The following ZNF534 variants were observed in gnomAD, a reference collection of about 807,000 sequenced individuals.
ZNF534 encodes KRAB domain only 3.
In ZNF534, 19 loss-of-function variants were observed where a neutral mutation model predicts 13.6. That is an observed-to-expected ratio of 1.40 (90% CI 0.97 to 2.05). The LOEUF is 2.05. ZNF534 is among the 30% of genes most tolerant of loss of function. ZNF534 has a pLI of 0.00. For missense variants in ZNF534, 782 were observed against 796.3 expected, an observed-to-expected ratio of 0.98 and a Z score of 0.22; for synonymous variants, 244 against 273.8, an observed-to-expected ratio of 0.89 and a Z score of 1.07.
chr19:52,439,386 C>G lies in ZNF534; in HGVS notation c.1926C>G (p.Val642=), dbSNP rs2059156469. Residue 642 remains valine, a synonymous_variant, in exon 5 of 5, where the codon GTC becomes GTG. Coordinates refer to ENST00000433050, the MANE Select transcript of ZNF534 (RefSeq NM_001143938.3). The part of the protein sequence containing the change: ...KPYSCNECGK[V]FSKNSILVQH... ...ACAGTTGTAATGAATGTGGCAAGGT[C>G]TTTAGTAAAAATTCCATCCTAGTAC... is the stretch of plus-strand genomic sequence containing the variant. 5 of 1,550,738 alleles carry G rather than the reference C, an allele frequency of 3.2e-6. No homozygotes were observed. The highest frequency in any genetic ancestry group is 4.4e-6 in the Non-Finnish European group (5 of 1,146,370).
Position 52,433,940 on chromosome 19 carries a change from T to C in ZNF534, c.16-15T>C. 6.2e-7 allele frequency: 1 copy of C among 1,613,654 alleles called. No homozygotes were observed. Among genetic ancestry groups the C allele is most frequent in the Non-Finnish European group, 8.5e-7 (1 of 1,179,704 alleles). On this transcript the variant is annotated splice_polypyrimidine_tract_variant and intron_variant, in intron 2 of 4. Transcript: ENST00000433050. ...CTCTCCATACCCTGTTTTTGAAATG[T>C]GGATTTCCTTTTAGGGGCAATTGTC...
intron 4 of ZNF534, 102 bp downstream of exon 4, chr19:52,435,311 A>C: frequency 1.2e-3 from 1,510 of 1,299,508 alleles, no homozygotes; most frequent in Non-Finnish European, 1.4e-3. Context: ...ATCATAGCTC[A>C]CAGCAGCCTT....
At chr19:52,429,444 G>A (rs1326855548) in intron 1 of ZNF534, among the ~76,000 whole-genome samples, 200 bp downstream of exon 1, 1 of 152,024 alleles carries the variant, frequency 6.6e-6, no homozygotes, top group Admixed American at 6.6e-5. Context: ...GCCGGGCGCG[G>A]TGCCTCACGC....
Position 52,431,392 on chromosome 19 carries a change from T to C in ZNF534, c.-67-16T>C. The C allele has an allele frequency of 6.3e-7, 1 of 1,590,190 alleles. No homozygotes were observed. The highest frequency in any genetic ancestry group is 2.2e-5 in the East Asian group (1 of 44,716). ...TGTTGATTCTAAGCCCTAAACAGCA[T>C]TATTTTTGATACTAGGATTCACTTT... On this transcript the variant is annotated splice_polypyrimidine_tract_variant and intron_variant, in intron 1 of 4. Coordinates refer to ENST00000433050, the MANE Select transcript of ZNF534 (RefSeq NM_001143938.3).
At chr19:52,437,221 T>A (rs529044454) in intron 4 of ZNF534, among the ~76,000 whole-genome samples, 5 of 152,308 alleles carry the variant, frequency 3.3e-5, no homozygotes, top group Admixed American at 2.0e-4. Flanking sequence ...TTATAATCTC[T>A]CTCAAGCTTT....
In ZNF534 at chr19:52,438,179, AG is replaced by A. The variant is rs1486569023; in HGVS notation, c.720del (p.Lys240AsnfsTer79). 1 of 1,614,158 alleles carries A rather than the reference AG, an allele frequency of 6.2e-7. No individual in the cohort carries two copies. The highest frequency in any genetic ancestry group is 1.3e-5 in the African/African-American group (1 of 75,070). ...AQHQRIHTGE[K>X]PYKYNECGKV... ...CATCAACGAATCCATACTGGAGAGAAGCCTTACAAATATAATGAATGTGGCA... is the reference window on the plus strand; with the variant it reads ...CATCAACGAATCCATACTGGAGAGAACCTTACAAATATAATGAATGTGGCA... On this transcript the variant is annotated frameshift_variant, in exon 5 of 5. Transcript: ENST00000433050. LOFTEE classifies it low-confidence loss of function (END_TRUNC).
At chr19:52,434,490 A>T (rs2059115750) in intron 3 of ZNF534, among the ~76,000 whole-genome samples, 2 of 143,348 alleles carry the variant, frequency 1.4e-5, no homozygotes, top group Admixed American at 1.4e-4. Context: ...AAAAAAAGAA[A>T]TGAAAAGCAT....
intron 4 of ZNF534, among the ~76,000 whole-genome samples, chr19:52,449,384 C>T: frequency 6.6e-6 from 1 of 151,616 alleles, no homozygotes; most frequent in Non-Finnish European, 1.5e-5. Context: ...CTCTTTCTCT[C>T]TTTCCAACAG....
At chr19:52,446,249 T>G (rs368798885), downstream of ZNF534, among the ~76,000 whole-genome samples, 149 of 152,308 alleles carry the variant, frequency 9.8e-4, no homozygotes, top group Middle Eastern at 6.8e-3. Context: ...ACAAGGAGAT[T>G]ATCTCCATGC....
In ZNF534 at chr19:52,438,653, C is replaced by T. The variant is rs760641478; in HGVS notation, c.1193C>T (p.Ala398Val). The stretch of plus-strand genomic sequence containing the variant: ...GTCTTTATTGGCAATTCACGCCTTG[C>T]ACGACATAGGAAAATTCATACTGGG... ...GKVFIGNSRL[A>V]RHRKIHTGGR... Residue 398 changes from alanine to valine, a missense_variant, in exon 5 of 5, where the codon GCA becomes GTA. By Grantham distance (64) the Ala-to-Val change is moderately conservative (BLOSUM62 0). This residue lies in a region of ZNF534 where 591 missense variants were observed against 574.0 expected (regional missense o/e 1.03). Coordinates refer to ENST00000433050, the MANE Select transcript of ZNF534 (RefSeq NM_001143938.3). 5.7e-6 allele frequency: 9 copies of T among 1,584,016 alleles called. No homozygotes were observed. Among genetic ancestry groups the T allele is most frequent in the Non-Finnish European group, 7.7e-6 (9 of 1,164,062 alleles).
intron 4 of ZNF534, among the ~76,000 whole-genome samples, chr19:52,435,928 T>C (rs755857382): frequency 0.012 from 73 of 6,320 alleles, no homozygotes; most frequent in Non-Finnish European, 0.063. Flanking sequence ...TTTCTTATTT[T>C]TCTTCTTCTT....
intron 4 of ZNF534, among the ~76,000 whole-genome samples, chr19:52,435,933 C>CTTTTTT (rs1289517628): frequency 0.016 from 284 of 17,518 alleles, 24 homozygotes; most frequent in African/African-American, 0.019. Context: ...TATTTTTCTT[C>CTTTTTT]TTCTTCTTTT....
chr19:52,429,572 C>A (rs926217221), intron 1 of ZNF534, among the ~76,000 whole-genome samples: 1 of 150,736 alleles, frequency 6.6e-6, no homozygotes, highest in Non-Finnish European at 1.5e-5. Flanking sequence ...ACTGTATCTG[C>A]TCGTTAGTCA....
intron 4 of ZNF534, among the ~76,000 whole-genome samples, chr19:52,449,697 G>T (rs1488439104): frequency 6.6e-6 from 1 of 152,104 alleles, no homozygotes; most frequent in African/African-American, 2.4e-5. Context: ...TGTCTTTTCA[G>T]ATAGTTGGTC....
chr19:52,433,788 TATA>T, intron 2 of ZNF534, 164 bp from the exon 3 acceptor site: 2 of 761,898 alleles, frequency 2.6e-6, no homozygotes, highest in Non-Finnish European at 4.5e-6. Flanking sequence ...TATGGAAAAG[TATA>T]ATAAAACACA....
intron 3 of ZNF534, 84 bp from the exon 4 acceptor site, chr19:52,434,997 G>A (rs556769209): frequency 2.0e-6 from 3 of 1,471,450 alleles, no homozygotes; most frequent in African/African-American, 1.4e-5. Flanking sequence ...TGATTAATTT[G>A]TAATATGCTG....
rs575100025 is a variant in ZNF534, at chr19:52,440,899, CT to C, written c.*1467del. The stretch of plus-strand genomic sequence containing the variant: ...TTTGTAATCCATAGTGGAGATAAGT[CT>C]TTTTTTTTTTTTTCCCCCGAAACAA... On this transcript the variant is annotated 3_prime_UTR_variant, in exon 5 of 5. Transcript: ENST00000433050. Among the ~76,000 whole-genome samples, 2,579 of 141,450 alleles carry C rather than the reference CT, an allele frequency of 0.018. 42 individuals carry two copies. The highest frequency in any genetic ancestry group is 0.045 in the African/African-American group (1,742 of 38,876). The allele number at this position is 141,450 out of a possible 152,430, so 92.8% of individuals were successfully genotyped here.
In ZNF534 at chr19:52,441,690, T is replaced by C. The variant is rs1401934225; in HGVS notation, c.*2244T>C. ...CCATACTGCAGACAAACCTTACAAC[T>C]GTAATGAATGTGGCAAGGTCTCAAA... On this transcript the variant is annotated 3_prime_UTR_variant, in exon 5 of 5. Transcript: ENST00000433050. Among the ~76,000 whole-genome samples the C allele has an allele frequency of 6.6e-6, 1 of 152,210 alleles. No homozygotes were observed. The highest frequency in any genetic ancestry group is 2.4e-5 in the African/African-American group (1 of 41,448).
chr19:52,433,072 A>C (rs560680283), intron 2 of ZNF534, among the ~76,000 whole-genome samples: 1 of 151,758 alleles, frequency 6.6e-6, no homozygotes, highest in African/African-American at 2.4e-5. Context: ...GTGAGACTCT[A>C]TCTCTACAAA....
Sources: allele counts gnomAD v4.1 joint callset (sites outside exome capture counted in the v4.1 genomes callset), GRCh38; gene constraint gnomAD v4.1.1; regional missense constraint gnomAD v4.1.1; transcripts MANE v1.5; gene names NCBI Gene and HGNC (gene_info 2026-07-23, HGNC 2026-07-21).